Variants in PLPPR1 observed in about 807,000 individuals in gnomAD.
PLPPR1 encodes the protein phospholipid phosphatase-related protein type 1.
Under a neutral mutation model 33.1 loss-of-function variants are expected in PLPPR1, and 10 were observed. That is an observed-to-expected ratio of 0.30 (90% CI 0.19 to 0.51). The LOEUF (loss-of-function observed/expected upper bound fraction) is 0.51, where lower values mean the gene tolerates loss of function less well. Ranked by LOEUF, PLPPR1 falls within the 20% of genes least tolerant of loss-of-function variation. The pLI, the probability that PLPPR1 is intolerant of heterozygous loss-of-function variation, is 0.97. For synonymous variants in PLPPR1, 151 were observed against 151.0 expected (o/e 1.00, Z 0.00); for missense variants, 304 against 408.1 (o/e 0.74, Z 2.20).
At chr9:101,094,824 C>T (rs554790129) in intron 1 of PLPPR1, among the ~76,000 whole-genome samples, 3 of 152,244 alleles carry the variant, frequency 2.0e-5, no homozygotes, top group South Asian at 4.1e-4. Flanking sequence ...GTCACCAACC[C>T]ACAATCCCAT....
chr9:101,273,123 A>G (rs1475639830), intron 3 of PLPPR1, among the ~76,000 whole-genome samples: 1 of 152,230 alleles, frequency 6.6e-6, no homozygotes, highest in Non-Finnish European at 1.5e-5. Context: ...AAAAAATTGT[A>G]TGCAGTATTG....
intron 1 of PLPPR1, among the ~76,000 whole-genome samples, chr9:101,085,186 A>T (rs117011666): frequency 0.022 from 3,351 of 152,202 alleles, 69 homozygotes; most frequent in Non-Finnish European, 0.037. Flanking sequence ...CACAAGAGGG[A>T]GGGGGTGAAA....
chr9:101,169,753 T>C (rs1825912562), intron 1 of PLPPR1, among the ~76,000 whole-genome samples: 1 of 152,182 alleles, frequency 6.6e-6, no homozygotes, highest in African/African-American at 2.4e-5. Flanking sequence ...TTTTTCATAA[T>C]AATGAAGTCC....
intron 3 of PLPPR1, among the ~76,000 whole-genome samples, chr9:101,273,330 G>T (rs1828132183): frequency 6.6e-6 from 1 of 152,182 alleles, no homozygotes; most frequent in South Asian, 2.1e-4. Context: ...CAGTGACTCT[G>T]GTAACTTGGC....
At chr9:101,290,506 A>G (rs965892436) in intron 4 of PLPPR1, among the ~76,000 whole-genome samples, 2 of 152,256 alleles carry the variant, frequency 1.3e-5, no homozygotes, top group Non-Finnish European at 2.9e-5. Flanking sequence ...TTAAATTGAT[A>G]TTTAACCCTT....
intron 1 of PLPPR1, among the ~76,000 whole-genome samples, chr9:101,083,482 T>C (rs371910359): frequency 7.5e-4 from 114 of 152,098 alleles, no homozygotes; most frequent in African/African-American, 2.6e-3. Flanking sequence ...TTAAATCAAA[T>C]GCATTTCATA....
At chr9:101,171,927 T>G (rs1459123271) in intron 1 of PLPPR1, among the ~76,000 whole-genome samples, 1 of 152,188 alleles carries the variant, frequency 6.6e-6, no homozygotes, top group African/African-American at 2.4e-5. Flanking sequence ...TTTGGGATCA[T>G]GGCTTGCTCT....
At chr9:101,272,592 A>G (rs1014366033) in intron 3 of PLPPR1, among the ~76,000 whole-genome samples, 1 of 152,144 alleles carries the variant, frequency 6.6e-6, no homozygotes, top group Non-Finnish European at 1.5e-5. Context: ...AAATACCCTT[A>G]ATACTTAAAA....
chr9:101,186,267 T>A (rs1273619089), intron 2 of PLPPR1, among the ~76,000 whole-genome samples: 1 of 151,900 alleles, frequency 6.6e-6, no homozygotes, highest in African/African-American at 2.4e-5. Context: ...AATAAGATGT[T>A]GATTTGCCAG....
At chr9:101,036,805 A>G (rs1830016958) in intron 1 of PLPPR1, among the ~76,000 whole-genome samples, 4 of 152,066 alleles carry the variant, frequency 2.6e-5, no homozygotes, top group Admixed American at 6.6e-5. Flanking sequence ...TAGGCCTCCT[A>G]TGTACCATAC....
At chr9:101,133,848 G>T (rs1034827975) in intron 1 of PLPPR1, among the ~76,000 whole-genome samples, 2 of 152,110 alleles carry the variant, frequency 1.3e-5, no homozygotes, top group Admixed American at 1.3e-4. Flanking sequence ...AGACAACCCA[G>T]GTGCAAGTCC....
chr9:101,032,170 A>C (rs1829953221), intron 1 of PLPPR1, among the ~76,000 whole-genome samples: 1 of 152,208 alleles, frequency 6.6e-6, no homozygotes, highest in Non-Finnish European at 1.5e-5. Flanking sequence ...AAGAGACATA[A>C]GCAGCAATCA....
At chr9:101,199,529 C>G (rs996415562) in intron 2 of PLPPR1, among the ~76,000 whole-genome samples, 1 of 152,174 alleles carries the variant, frequency 6.6e-6, no homozygotes, top group Non-Finnish European at 1.5e-5. Context: ...GTATCTGATA[C>G]TTTTTCTCCT....
intron 2 of PLPPR1, among the ~76,000 whole-genome samples, chr9:101,260,669 C>T (rs1486241444): frequency 6.6e-6 from 1 of 152,042 alleles, no homozygotes; most frequent in African/African-American, 2.4e-5. Flanking sequence ...AGACTTGTGG[C>T]ATTTGGAGTA....
rs34535403 is a variant in PLPPR1, at chr9:101,064,347, A to AGAATGAAT, written c.-46+35266_-46+35273dup. On this transcript the variant is annotated intron_variant, in intron 1 of 7. Coordinates refer to ENST00000374874, the MANE Select transcript of PLPPR1 (RefSeq NM_207299.2). The stretch of plus-strand genomic sequence containing the variant: ...AGTTTCTCATGGGATTAATATTTAT[A>AGAATGAAT]GAATGAATGAATGAATGAATGAATG... Among the ~76,000 whole-genome samples the AGAATGAAT allele has an allele frequency of 2.2e-3, 336 of 150,418 alleles. 2 individuals carry two copies. Among genetic ancestry groups the AGAATGAAT allele is most frequent in the East Asian group, 5.8e-3 (29 of 5,024 alleles).
intron 1 of PLPPR1, among the ~76,000 whole-genome samples, chr9:101,061,884 A>C (rs974213607): frequency 6.6e-6 from 1 of 151,980 alleles, no homozygotes; most frequent in African/African-American, 2.4e-5. Flanking sequence ...ATCTGAACGA[A>C]ATTTTGGGGT....
chr9:101,253,968 T>G (rs1292467768), intron 2 of PLPPR1, among the ~76,000 whole-genome samples: 2 of 152,088 alleles, frequency 1.3e-5, no homozygotes. Context: ...TGTTTTTCAC[T>G]TAATGGTTTT....
intron 2 of PLPPR1, among the ~76,000 whole-genome samples, chr9:101,255,515 G>T (rs1423752678): frequency 6.6e-6 from 1 of 152,138 alleles, no homozygotes; most frequent in Non-Finnish European, 1.5e-5. Flanking sequence ...CTCCCACTCT[G>T]CAAGAGTTAA....
rs118091689 is a variant in PLPPR1, at chr9:101,280,053, C to G, written c.253-6051C>G. 3.2e-3 allele frequency among the ~76,000 whole-genome samples: 484 copies of G among 152,004 alleles called. 1 individual carries two copies. The highest frequency in any genetic ancestry group is 5.5e-3 in the Non-Finnish European group (375 of 67,932). On this transcript the variant is annotated intron_variant, in intron 3 of 7. Transcript: ENST00000374874. ...GATAACTGACAAACAGTTAGCCAGA[C>G]CAAGACGAAAAGAGATGACTCAAAC... is the stretch of plus-strand genomic sequence containing the variant.
Sources: gnomAD v4.1 joint callset for allele counts (sites outside exome capture counted in the v4.1 genomes callset) on GRCh38, gnomAD v4.1.1 for gene constraint, MANE v1.5 for transcripts, NCBI Gene and HGNC (gene_info 2026-07-23, HGNC 2026-07-21) for gene names.